The following SLIT3 variants were observed in gnomAD, a reference collection of about 807,000 sequenced individuals.
SLIT3 encodes the protein slit guidance ligand 3.
In SLIT3, 68 loss-of-function variants were observed where a neutral mutation model predicts 184.0. The observed-to-expected ratio is 0.37, with a 90% CI of 0.30 to 0.45. The LOEUF is 0.45. Ranked by LOEUF, SLIT3 falls within the 20% of genes least tolerant of loss-of-function variation. The pLI is 1.00. For synonymous variants in SLIT3, 831 were observed against 828.6 expected, an observed-to-expected ratio of 1.00 and a Z score of -0.05; for missense variants, 1,707 against 2,026.0, an observed-to-expected ratio of 0.84 and a Z score of 3.02.
At chr5:168,914,399 T>C (rs1761367376) in intron 4 of SLIT3, among the ~76,000 whole-genome samples, 1 of 152,194 alleles carries the variant, frequency 6.6e-6, no homozygotes, top group Non-Finnish European at 1.5e-5. Flanking sequence ...GATTAAATCA[T>C]GGTCAGAGAG....
chr5:169,160,479 G>A (rs1762441742), intron 4 of SLIT3, among the ~76,000 whole-genome samples: 1 of 152,184 alleles, frequency 6.6e-6, no homozygotes, highest in South Asian at 2.1e-4. Flanking sequence ...GTCACAGGGG[G>A]CGATGATGAG....
At chr5:169,297,425 T>C (rs1009106814) in intron 1 of SLIT3, among the ~76,000 whole-genome samples, 1 of 152,112 alleles carries the variant, frequency 6.6e-6, no homozygotes, top group Admixed American at 6.5e-5. Context: ...TTCCTTAATG[T>C]CATAACACAA....
At chr5:168,755,409 C>CTTTCTTTCTTTCTTTCTTTCTTTCTT (rs1754879860) in intron 16 of SLIT3, among the ~76,000 whole-genome samples, 1 of 22,498 alleles carries the variant, frequency 4.4e-5, no homozygotes, top group Non-Finnish European at 7.8e-5. Context: ...TTCTTTCTTT[C>CTTTCTTTCTTTCTTTCTTTCTTTCTT]TTTCTTTCTT....
At position 168,666,426 on chromosome 5, in the gene SLIT3, G is replaced by A. The variant is rs375794310; in HGVS notation, c.*28C>T. ...TCCCAACTCCATCAAGCTGGAGTCC[G>A]AGAGGTGGCAGGCAGGCGGGCAGGG... On this transcript the variant is annotated 3_prime_UTR_variant, in exon 36 of 36. Transcript: ENST00000519560. 14 of 1,524,232 alleles carry A rather than the reference G, an allele frequency of 9.2e-6. No homozygotes were observed. The highest frequency in any genetic ancestry group is 2.4e-4 in the Middle Eastern group (1 of 4,102). The allele number at this position is 1,524,232 out of a possible 1,614,324, so 94.4% of individuals were successfully genotyped here.
chr5:169,257,324 G>A (rs1423172694), intron 1 of SLIT3, among the ~76,000 whole-genome samples: 1 of 151,764 alleles, frequency 6.6e-6, no homozygotes, highest in African/African-American at 2.4e-5. Flanking sequence ...CTGAATGACT[G>A]CATGAAACAG....
At chr5:168,873,344 C>A (rs1317100121) in intron 5 of SLIT3, among the ~76,000 whole-genome samples, 1 of 151,912 alleles carries the variant, frequency 6.6e-6, no homozygotes, top group African/African-American at 2.4e-5. Flanking sequence ...CAAGATAATA[C>A]ATATGGCCGG....
chr5:168,793,588 T>C (rs911810265), intron 10 of SLIT3, among the ~76,000 whole-genome samples: 3 of 152,240 alleles, frequency 2.0e-5, no homozygotes, highest in African/African-American at 7.2e-5. Context: ...GAAGGTCTTA[T>C]GAATTTTGAA....
chr5:168,868,950 G>A (rs1317237702), intron 5 of SLIT3, among the ~76,000 whole-genome samples: 3 of 152,216 alleles, frequency 2.0e-5, no homozygotes, highest in South Asian at 2.1e-4. Context: ...TCTGGGGTAA[G>A]AGGTGGCCAC....
intron 4 of SLIT3, among the ~76,000 whole-genome samples, chr5:169,144,883 C>T (rs890669787): frequency 1.3e-5 from 2 of 152,216 alleles, no homozygotes; most frequent in African/African-American, 4.8e-5. Context: ...AAAATGTTGC[C>T]TGCCTGGGAC....
intron 5 of SLIT3, among the ~76,000 whole-genome samples, chr5:168,851,492 G>A (rs758435019): frequency 2.2e-4 from 34 of 152,002 alleles, no homozygotes; most frequent in Admixed American, 3.3e-4. Context: ...TATTCACAGC[G>A]AGACAGTATC....
intron 4 of SLIT3, among the ~76,000 whole-genome samples, chr5:169,184,549 C>T (rs898505041): frequency 1.3e-5 from 2 of 152,156 alleles, no homozygotes; most frequent in Non-Finnish European, 1.5e-5. Context: ...TATATGAGAT[C>T]GATGTTTCTT....
chr5:169,269,882 C>T (rs1418559738), intron 1 of SLIT3, among the ~76,000 whole-genome samples: 1 of 152,182 alleles, frequency 6.6e-6, no homozygotes, highest in Admixed American at 6.5e-5. Flanking sequence ...CAATTTGTTT[C>T]CTTTGCAAGG....
chr5:168,668,446 A>G (rs1192430859), intron 35 of SLIT3, among the ~76,000 whole-genome samples: 1 of 152,236 alleles, frequency 6.6e-6, no homozygotes, highest in Admixed American at 6.5e-5. Flanking sequence ...TCAAGGGCCA[A>G]CAGCTGGAAA....
rs143633812 is a variant in SLIT3, at chr5:169,122,193, C to T, written c.413+71286G>A. Among the ~76,000 whole-genome samples, 42 of 152,326 alleles carry T rather than the reference C, an allele frequency of 2.8e-4. No individual in the cohort carries two copies. In the East Asian group the frequency reaches 8.1e-3, roughly 29 times the overall value. ...TCTGAAATAGAACTCAAAGTGAAGG[C>T]TGTCACAGGATCATGGGAAACACAC... On this transcript the variant is annotated intron_variant, in intron 4 of 35. Coordinates refer to ENST00000519560, the MANE Select transcript of SLIT3 (RefSeq NM_003062.4).
chr5:168,771,441 G>T (rs1372282237), intron 14 of SLIT3, among the ~76,000 whole-genome samples: 3 of 152,150 alleles, frequency 2.0e-5, no homozygotes, highest in Non-Finnish European at 4.4e-5. Flanking sequence ...TCCGCTGTTT[G>T]CTGGCTTGTG....
intron 4 of SLIT3, among the ~76,000 whole-genome samples, chr5:169,088,632 C>G (rs190656707): frequency 6.6e-6 from 1 of 151,984 alleles, no homozygotes; most frequent in Non-Finnish European, 1.5e-5. Context: ...AGGGTCTTTC[C>G]GAGAATCAGA....
chr5:168,994,697 G>GTGC (rs1323317011), intron 4 of SLIT3, among the ~76,000 whole-genome samples: 2 of 121,350 alleles, frequency 1.6e-5, no homozygotes, highest in African/African-American at 3.3e-5. Context: ...CCAGGCTGGA[G>GTGC]TGCAATGATG....
At chr5:169,255,460 A>C (rs34276490) in intron 1 of SLIT3, among the ~76,000 whole-genome samples, 46,587 of 152,190 alleles carry the variant, frequency 0.31, 8,543 homozygotes, top group Middle Eastern at 0.5. Flanking sequence ...TTTAATAAAA[A>C]AGTTTAAAAA....
chr5:168,796,218 T>C (rs183320109), intron 9 of SLIT3, among the ~76,000 whole-genome samples: 2 of 152,266 alleles, frequency 1.3e-5, no homozygotes, highest in Non-Finnish European at 2.9e-5. Flanking sequence ...ATCTGTGCCT[T>C]TAACCTCTTA....
Sources: allele counts gnomAD v4.1 joint callset (sites outside exome capture counted in the v4.1 genomes callset), GRCh38; gene constraint gnomAD v4.1.1; transcripts MANE v1.5; gene names NCBI Gene and HGNC (gene_info 2026-07-23, HGNC 2026-07-21).